The following PRRX2 variants were observed in gnomAD, a reference collection of about 807,000 sequenced individuals.
PRRX2 encodes the protein paired mesoderm homeobox protein 2.
In PRRX2, 11 loss-of-function variants were observed where a neutral mutation model predicts 18.0. The observed-to-expected ratio is 0.61, with a 90% CI of 0.39 to 1.01. The LOEUF is 1.01. Among genes scored for constraint, PRRX2 ranks in the 50% least tolerant of loss-of-function variants. PRRX2 has a pLI of 0.01. For synonymous variants in PRRX2, 177 were observed against 154.8 expected (o/e 1.14, Z -1.06); for missense variants, 387 against 351.0 (o/e 1.10, Z -0.82).
In PRRX2 at chr9:129,710,810, G is replaced by A. The variant is rs73670179; in HGVS notation, c.260-8421G>A. Among the ~76,000 whole-genome samples, 1,248 of 152,198 alleles carry A rather than the reference G, an allele frequency of 8.2e-3. 16 individuals carry two copies. Among genetic ancestry groups the A allele is most frequent in the African/African-American group, 0.029 (1,205 of 41,524 alleles). On this transcript the variant is annotated intron_variant, in intron 1 of 3. Coordinates refer to ENST00000372469, the MANE Select transcript of PRRX2 (RefSeq NM_016307.4). ...GCTGGGGCAGGGCTGCACTCCTGGGGTTGGAACAGCCTAGAAGCCCCGGGA... is the reference window on the plus strand; with the variant it reads ...GCTGGGGCAGGGCTGCACTCCTGGGATTGGAACAGCCTAGAAGCCCCGGGA...
At chr9:129,710,940 G>C (rs542552416) in intron 1 of PRRX2, among the ~76,000 whole-genome samples, 5 of 152,010 alleles carry the variant, frequency 3.3e-5, no homozygotes, top group African/African-American at 9.7e-5. Context: ...CTCTGTGCCC[G>C]GCCTGACTGT....
chr9:129,720,358 C>T (rs1457656888), intron 2 of PRRX2, among the ~76,000 whole-genome samples: 1 of 152,210 alleles, frequency 6.6e-6, no homozygotes, highest in African/African-American at 2.4e-5. Flanking sequence ...CCTCTCCATT[C>T]GTTCTCATTC....
intron 1 of PRRX2, among the ~76,000 whole-genome samples, chr9:129,693,414 C>A (rs543051077): frequency 6.6e-6 from 1 of 151,956 alleles, no homozygotes; most frequent in East Asian, 1.9e-4. Context: ...GCCAACATGG[C>A]GAAACCCCGT....
intron 1 of PRRX2, among the ~76,000 whole-genome samples, chr9:129,689,015 G>A (rs746394485): frequency 2.6e-5 from 4 of 152,218 alleles, no homozygotes; most frequent in African/African-American, 9.6e-5. Flanking sequence ...GGTGAAGTGT[G>A]CACGAGGCCA....
chr9:129,711,309 G>A (rs1203317173), intron 1 of PRRX2, among the ~76,000 whole-genome samples: 2 of 151,206 alleles, frequency 1.3e-5, no homozygotes, highest in Admixed American at 6.6e-5. Context: ...TTCCTCCTAC[G>A]TAAAATGGAA....
At position 129,668,778 on chromosome 9, in the gene PRRX2, C is replaced by CAAA. The variant is rs562855941; in HGVS notation, c.259+2670_259+2672dup. 1.9e-3 allele frequency among the ~76,000 whole-genome samples: 111 copies of CAAA among 58,584 alleles called. 1 individual carries two copies. Among genetic ancestry groups the CAAA allele is most frequent in the African/African-American group, 4.9e-3 (86 of 17,512 alleles). 38.4% of individuals were successfully genotyped at this position (58,584 alleles called of 152,430 possible). On this transcript the variant is annotated intron_variant, in intron 1 of 3. Coordinates refer to ENST00000372469, the MANE Select transcript of PRRX2 (RefSeq NM_016307.4). ...TGGGCAACAGAATGAGACTCCATCT[C>CAAA]AAAAAAAAAAAAAAAAAAAAGAAAG...
intron 1 of PRRX2, among the ~76,000 whole-genome samples, chr9:129,680,411 AAAAAAG>A: frequency 6.7e-6 from 1 of 148,772 alleles, no homozygotes; most frequent in African/African-American, 2.5e-5. Context: ...AAAAAAAAAA[AAAAAAG>A]AAAAGAAAAG....
intron 1 of PRRX2, among the ~76,000 whole-genome samples, chr9:129,684,532 A>ACACACACACACACACACACCC (rs1165343797): frequency 5.0e-5 from 7 of 140,282 alleles, no homozygotes; most frequent in Admixed American, 4.9e-4. Context: ...ACCCACACAC[A>ACACACACACACACACACACCC]CCCCAACAGA....
intron 1 of PRRX2, among the ~76,000 whole-genome samples, chr9:129,713,921 G>T (rs2130932493): frequency 6.6e-6 from 1 of 151,676 alleles, no homozygotes; most frequent in East Asian, 2.0e-4. Flanking sequence ...GGGATTATAG[G>T]CATGAGCCAC....
chr9:129,669,713 T>C (rs1307791342), intron 1 of PRRX2, among the ~76,000 whole-genome samples: 1 of 152,130 alleles, frequency 6.6e-6, no homozygotes, highest in African/African-American at 2.4e-5. Context: ...GGGCTGTCGG[T>C]GCATCTGTTC....
At chr9:129,679,240 A>C (rs1418716373) in intron 1 of PRRX2, among the ~76,000 whole-genome samples, 1 of 152,158 alleles carries the variant, frequency 6.6e-6, no homozygotes, top group Non-Finnish European at 1.5e-5. Flanking sequence ...ATGAGGAAGG[A>C]AGGCCATCCC....
intron 1 of PRRX2, among the ~76,000 whole-genome samples, chr9:129,687,156 G>C (rs1832308430): frequency 2.6e-5 from 4 of 152,162 alleles, no homozygotes; most frequent in African/African-American, 9.7e-5. Flanking sequence ...GGGAGGCCTA[G>C]GTGGGAGGAT....
In PRRX2 at chr9:129,704,942, G is replaced by A. The variant is rs553592222; in HGVS notation, c.260-14289G>A. On this transcript the variant is annotated intron_variant, in intron 1 of 3. Transcript: ENST00000372469. ...TGGGCCCTGAGCAGAAAACTTCATC[G>A]TGGTCTGGAAACAGTTAACGAGGGC... Among the ~76,000 whole-genome samples the A allele has an allele frequency of 3.9e-5, 6 of 152,258 alleles. No individual in the cohort carries two copies. The South Asian group carries it at 6.2e-4, about 16-fold the overall frequency.
intron 2 of PRRX2, among the ~76,000 whole-genome samples, 163 bp from the exon 3 acceptor site, chr9:129,720,433 G>A (rs1196239534): frequency 6.6e-6 from 1 of 152,194 alleles, no homozygotes; most frequent in Non-Finnish European, 1.5e-5. Flanking sequence ...ATACCCAGCA[G>A]CAGGCGTCAT....
At chr9:129,721,976 C>T (rs894685639) in intron 3 of PRRX2, among the ~76,000 whole-genome samples, 3 of 152,130 alleles carry the variant, frequency 2.0e-5, no homozygotes, top group Non-Finnish European at 4.4e-5. Flanking sequence ...CATGGACCAA[C>T]CCAGGCCCTG....
chr9:129,722,183 C>T, intron 3 of PRRX2, 34 bp from the exon 4 acceptor site: 1 of 1,602,386 alleles, frequency 6.2e-7, no homozygotes, highest in Non-Finnish European at 8.5e-7. Context: ...AAGCCAACCG[C>T]ACCCATGTGA....
At position 129,719,376 on chromosome 9, in the gene PRRX2, G is replaced by A. The variant is rs199887986; in HGVS notation, c.405G>A (p.Glu135=). Residue 135 remains glutamate (E), a synonymous_variant, in exon 2 of 4, where the codon GAG becomes GAA. Coordinates refer to ENST00000372469, the MANE Select transcript of PRRX2 (RefSeq NM_016307.4). ...ACTACCCCGACGCCTTTGTGCGCGA[G>A]GAGCTTGCCCGGCGCGTCAACCTCA... The part of the protein sequence containing the change: ...RTHYPDAFVR[E]ELARRVNLSE... 5 of 1,562,142 alleles carry A rather than the reference G, an allele frequency of 3.2e-6. No homozygotes were observed. In the African/African-American group the frequency reaches 5.4e-5, roughly 17 times the overall value.
intron 1 of PRRX2, among the ~76,000 whole-genome samples, chr9:129,680,476 C>T (rs1018099855): frequency 1.5e-5 from 2 of 136,632 alleles, no homozygotes; most frequent in African/African-American, 5.5e-5. Flanking sequence ...CCACCCCCCC[C>T]ACCCGCCCTA....
chr9:129,691,932 CTTAT>C (rs554253164), intron 1 of PRRX2, among the ~76,000 whole-genome samples: 3 of 149,436 alleles, frequency 2.0e-5, no homozygotes, highest in African/African-American at 7.4e-5. Context: ...CTAGACGGTA[CTTAT>C]TTATTTATTT....
Sources: allele counts gnomAD v4.1 joint callset (sites outside exome capture counted in the v4.1 genomes callset), GRCh38; gene constraint gnomAD v4.1.1; transcripts MANE v1.5; gene names NCBI Gene and HGNC (gene_info 2026-07-23, HGNC 2026-07-21).